The following EBF1 variants were observed in gnomAD, a reference collection of about 807,000 sequenced individuals.
EBF1 encodes transcription factor COE1.
In EBF1, 10 loss-of-function variants were observed where a neutral mutation model predicts 68.4. The ratio of observed to expected loss-of-function variants is 0.15; its 90% CI spans 0.09 to 0.25. The LOEUF is 0.25. EBF1 is among the 10% of genes least tolerant of loss of function. The pLI is 1.00. For synonymous variants in EBF1, 298 were observed against 299.8 expected (o/e 0.99, Z 0.06); for missense variants, 509 against 794.4 (o/e 0.64, Z 4.32).
intron 11 of EBF1, among the ~76,000 whole-genome samples, chr5:158,714,739 A>C (rs938544212): frequency 6.6e-6 from 1 of 151,670 alleles, no homozygotes; most frequent in African/African-American, 2.4e-5. Flanking sequence ...TTTGTCAAAA[A>C]CTCTTATGAA....
intron 6 of EBF1, among the ~76,000 whole-genome samples, chr5:159,006,153 C>G (rs964854917): frequency 2.6e-5 from 4 of 152,158 alleles, no homozygotes; most frequent in African/African-American, 7.2e-5. Flanking sequence ...CCACTTAAAA[C>G]GCAGACCTTC....
chr5:158,800,430 A>C (rs1285397614), intron 8 of EBF1, among the ~76,000 whole-genome samples: 2 of 152,180 alleles, frequency 1.3e-5, no homozygotes. Flanking sequence ...AGGACTATTA[A>C]CATTTATTCC....
intron 6 of EBF1, among the ~76,000 whole-genome samples, chr5:158,849,628 C>T (rs756899970): frequency 2.6e-5 from 4 of 152,222 alleles, no homozygotes; most frequent in Non-Finnish European, 5.9e-5. Context: ...CTTTCCATTC[C>T]TGACAGCTCC....
At chr5:158,923,723 T>C (rs1266882326) in intron 6 of EBF1, among the ~76,000 whole-genome samples, 1 of 152,204 alleles carries the variant, frequency 6.6e-6, no homozygotes, top group Non-Finnish European at 1.5e-5. Flanking sequence ...TCTCAAATTG[T>C]ACCCATGTGT....
chr5:158,773,450 G>A (rs560531074), intron 10 of EBF1, among the ~76,000 whole-genome samples: 3 of 152,180 alleles, frequency 2.0e-5, no homozygotes, highest in South Asian at 2.1e-4. Flanking sequence ...AAAAGTTAGT[G>A]GTAGAAAAGA....
At chr5:159,096,923 T>C in intron 2 of EBF1, 51 bp downstream of exon 2, 1 of 1,597,702 alleles carries the variant, frequency 6.3e-7, no homozygotes, top group Non-Finnish European at 8.5e-7. Context: ...CTCCCGGGCC[T>C]GCTCCCGAGC....
intron 6 of EBF1, among the ~76,000 whole-genome samples, chr5:159,032,933 T>C (rs1009152205): frequency 6.6e-6 from 1 of 151,984 alleles, no homozygotes; most frequent in Non-Finnish European, 1.5e-5. Flanking sequence ...CTTAAAACCT[T>C]GCTTAAAAAA....
intron 6 of EBF1, among the ~76,000 whole-genome samples, chr5:158,856,992 A>G (rs1034340781): frequency 6.6e-6 from 1 of 152,112 alleles, no homozygotes. Context: ...AAAACAAAAC[A>G]AAACAAAACA....
At chr5:158,820,195 C>T (rs1361693244) in intron 8 of EBF1, among the ~76,000 whole-genome samples, 3 of 150,980 alleles carry the variant, frequency 2.0e-5, no homozygotes, top group Non-Finnish European at 2.9e-5. Flanking sequence ...TGGGGGAGAA[C>T]GTAGGTTCCC....
Position 158,822,259 on chromosome 5 carries a change from C to CGGATGGAT in EBF1, c.778+916_778+917insATCCATCC, listed in dbSNP as rs1197459241. On this transcript the variant is annotated intron_variant, in intron 8 of 15. Coordinates refer to ENST00000313708, the MANE Select transcript of EBF1 (RefSeq NM_024007.5). ...CCTCAGTCACTCATTCTTGGATGGA[C>CGGATGGAT]GGATGGACGGATGGATGGATGGATG... 8.4e-3 allele frequency among the ~76,000 whole-genome samples: 1,094 copies of CGGATGGAT among 129,700 alleles called. 11 individuals are homozygous for CGGATGGAT. Among genetic ancestry groups the CGGATGGAT allele is most frequent in the Non-Finnish European group, 0.012 (754 of 60,414 alleles). The allele number at this position is 129,700 out of a possible 152,430, so 85.1% of individuals were successfully genotyped here.
At chr5:158,892,093 CAT>C (rs1012048073) in intron 6 of EBF1, among the ~76,000 whole-genome samples, 70 of 152,034 alleles carry the variant, frequency 4.6e-4, no homozygotes, top group African/African-American at 1.7e-3. Context: ...CACACACACA[CAT>C]ACACATACAC....
intron 6 of EBF1, among the ~76,000 whole-genome samples, chr5:158,880,612 CA>C (rs1456081657): frequency 6.6e-6 from 1 of 152,146 alleles, no homozygotes; most frequent in Non-Finnish European, 1.5e-5. Flanking sequence ...ATGCAATATA[CA>C]AAGTCAGGTA....
intron 10 of EBF1, among the ~76,000 whole-genome samples, chr5:158,754,643 C>T (rs1769653904): frequency 6.6e-6 from 1 of 152,102 alleles, no homozygotes; most frequent in South Asian, 2.1e-4. Context: ...CTATGCCACT[C>T]ACCAGCCTTG....
intron 9 of EBF1, among the ~76,000 whole-genome samples, chr5:158,793,727 G>T (rs186176543): frequency 6.6e-6 from 1 of 152,252 alleles, no homozygotes; most frequent in Non-Finnish European, 1.5e-5. Flanking sequence ...GAGGCTTAAA[G>T]TAATACCCAT....
At chr5:158,890,116 C>T (rs1582923045) in intron 6 of EBF1, among the ~76,000 whole-genome samples, 1 of 152,114 alleles carries the variant, frequency 6.6e-6, no homozygotes, top group East Asian at 1.9e-4. Context: ...CTGTCTAATC[C>T]CCTAGGTTGT....
chr5:158,703,511 A>G (rs1757194158), intron 15 of EBF1, among the ~76,000 whole-genome samples: 1 of 151,634 alleles, frequency 6.6e-6, no homozygotes, highest in Admixed American at 6.6e-5. Flanking sequence ...TCCAGGGAGC[A>G]CCACATTCTA....
intron 9 of EBF1, among the ~76,000 whole-genome samples, chr5:158,783,004 T>C (rs533982180): frequency 5.9e-4 from 90 of 151,616 alleles, no homozygotes; most frequent in South Asian, 3.3e-3. Flanking sequence ...GTAACTCCAG[T>C]GAGAAATGAT....
chr5:159,061,385 C>A, intron 6 of EBF1, among the ~76,000 whole-genome samples: 1 of 149,586 alleles, frequency 6.7e-6, no homozygotes, highest in African/African-American at 2.5e-5. Flanking sequence ...GAGGCAGCAA[C>A]GAGAATTTGA....
At chr5:158,797,835 G>A (rs1201760832) in intron 8 of EBF1, among the ~76,000 whole-genome samples, 1 of 152,136 alleles carries the variant, frequency 6.6e-6, no homozygotes, top group Non-Finnish European at 1.5e-5. Context: ...CAGTTCAGAT[G>A]ACTTTTCTCT....
Sources: allele counts gnomAD v4.1 joint callset (sites outside exome capture counted in the v4.1 genomes callset), GRCh38; gene constraint gnomAD v4.1.1; transcripts MANE v1.5; gene names NCBI Gene and HGNC (gene_info 2026-07-23, HGNC 2026-07-21).